Variants in PRCP observed in about 807,000 individuals in gnomAD.
PRCP encodes lysosomal Pro-X carboxypeptidase.
Under a neutral mutation model 54.2 loss-of-function variants are expected in PRCP, and 46 were observed. The ratio of observed to expected loss-of-function variants is 0.85; its 90% CI spans 0.67 to 1.09. PRCP has a LOEUF of 1.09. Ranked by LOEUF, PRCP falls within the 50% of genes least tolerant of loss-of-function variation. PRCP has a pLI of 0.00. For synonymous variants in PRCP, 240 were observed against 212.2 expected (o/e 1.13, Z -1.14); for missense variants, 613 against 596.8 (o/e 1.03, Z -0.28).
chr11:82,825,640 G>GAAAGGGAAGAAAGAAA (rs1858211681), intron 8 of PRCP: 2 of 144,012 alleles, frequency 1.4e-5, no homozygotes, highest in Admixed American at 6.8e-5. Flanking sequence ...GAGGAAAGAA[G>GAAAGGGAAGAAAGAAA]AAAGGGAGGG....
chr11:82,838,674 G>A (rs1858588952), intron 7 of PRCP, 100 bp from the exon 8 acceptor site: 1 of 1,205,978 alleles, frequency 8.3e-7, no homozygotes, highest in Admixed American at 2.5e-5. Context: ...GTGAAGGCAG[G>A]GTTTGAACTC....
intron 6 of PRCP, 93 bp from the exon 7 acceptor site, chr11:82,839,518 G>T (rs985183279): frequency 7.4e-7 from 1 of 1,344,480 alleles, no homozygotes; most frequent in Non-Finnish European, 1.0e-6. Flanking sequence ...ATTTTGATCT[G>T]ATCATAAAAT....
intron 6 of PRCP, among the ~76,000 whole-genome samples, chr11:82,841,726 T>C (rs1393566428): frequency 6.6e-6 from 1 of 152,148 alleles, no homozygotes; most frequent in Non-Finnish European, 1.5e-5. Context: ...AAAGTCAAAA[T>C]AGTGTTTATT....
chr11:82,845,045 A>C (rs988165576), intron 6 of PRCP, among the ~76,000 whole-genome samples: 6 of 130,938 alleles, frequency 4.6e-5, no homozygotes, highest in African/African-American at 2.0e-4. Context: ...AAAAAAAAAA[A>C]AAACAACTGT....
intron 1 of PRCP, among the ~76,000 whole-genome samples, chr11:82,876,434 T>C (rs1217637662): frequency 6.6e-6 from 1 of 152,174 alleles, no homozygotes; most frequent in Non-Finnish European, 1.5e-5. Context: ...TACAACCATA[T>C]GTGTATTTTT....
chr11:82,853,567 T>C (rs1478797149), intron 2 of PRCP, among the ~76,000 whole-genome samples: 1 of 152,146 alleles, frequency 6.6e-6, no homozygotes, highest in Admixed American at 6.5e-5. Flanking sequence ...CAACATTATG[T>C]CTAAAATGGT....
rs761709848 is a variant in PRCP, at chr11:82,850,476, T to C, written c.441A>G (p.Ser147=). ...KDSRHLNFLT[S]EQALADFAEL... ...CTGCAAAATCAGCCAGAGCTTGTTC[T>C]GATGTCAGGAAATTCAAGTGTCTGG... The change falls in exon 4 of 9, where the codon TCA becomes TCG. Residue 147 remains serine (S), a synonymous_variant. Coordinates refer to ENST00000313010, the MANE Select transcript of PRCP (RefSeq NM_005040.4). 6.3e-7 allele frequency: 1 copy of C among 1,580,586 alleles called. No homozygotes were observed. Among genetic ancestry groups the C allele is most frequent in the Non-Finnish European group, 8.6e-7 (1 of 1,161,556 alleles).
At chr11:82,889,551 C>T (rs1289819963) in intron 1 of PRCP, among the ~76,000 whole-genome samples, 6 of 150,360 alleles carry the variant, frequency 4.0e-5, no homozygotes, top group South Asian at 2.1e-4. Flanking sequence ...CAGCAGAAGA[C>T]GCAGCAGCAG....
At chr11:82,850,546 A>G in intron 3 of PRCP, 41 bp from the exon 4 acceptor site, 5 of 1,393,326 alleles carry the variant, frequency 3.6e-6, no homozygotes, top group African/African-American at 1.5e-5. Context: ...AAATGTGCAC[A>G]TAACAGCAGC....
At chr11:82,841,220 A>G (rs548391225) in intron 6 of PRCP, among the ~76,000 whole-genome samples, 5 of 150,994 alleles carry the variant, frequency 3.3e-5, no homozygotes, top group African/African-American at 1.2e-4. Context: ...GATGCAACCA[A>G]ACCCAGCCCC....
intron 1 of PRCP, among the ~76,000 whole-genome samples, chr11:82,867,884 G>T (rs1189851292): frequency 5.9e-5 from 9 of 152,076 alleles, no homozygotes; most frequent in African/African-American, 2.2e-4. Flanking sequence ...ACCACACCCG[G>T]TTTGTTAAGT....
chr11:82,892,936 A>G (rs1377684258), intron 1 of PRCP, among the ~76,000 whole-genome samples: 1 of 152,202 alleles, frequency 6.6e-6, no homozygotes, highest in Non-Finnish European at 1.5e-5. Flanking sequence ...CCAGTGCCTG[A>G]CATACAAAAG....
chr11:82,828,148 A>G (rs1858288588), intron 8 of PRCP: 1 of 152,220 alleles, frequency 6.6e-6, no homozygotes, highest in Non-Finnish European at 1.5e-5. Context: ...GAGAAAACTA[A>G]TGCCCAAAGA....
chr11:82,896,447 G>A (rs1173560957), intron 1 of PRCP, among the ~76,000 whole-genome samples: 3 of 152,034 alleles, frequency 2.0e-5, no homozygotes, highest in African/African-American at 7.3e-5. Flanking sequence ...AGGCCAAGGT[G>A]GGTGGATCAC....
intron 8 of PRCP, among the ~76,000 whole-genome samples, chr11:82,837,733 G>A (rs1229891906): frequency 6.6e-6 from 1 of 152,144 alleles, no homozygotes; most frequent in Non-Finnish European, 1.5e-5. Context: ...TACACATGGA[G>A]TCTGCTCAAT....
At chr11:82,846,501 G>C (rs1388372375) in intron 6 of PRCP, among the ~76,000 whole-genome samples, 8 of 152,146 alleles carry the variant, frequency 5.3e-5, no homozygotes, top group Middle Eastern at 3.4e-3. Context: ...ATAAATACCA[G>C]CAATCAAGAA....
chr11:82,834,480 T>C (rs958987831), intron 8 of PRCP, among the ~76,000 whole-genome samples: 1 of 152,218 alleles, frequency 6.6e-6, no homozygotes, highest in African/African-American at 2.4e-5. Context: ...GTAAGGAAAT[T>C]AAACAAAAAG....
intron 4 of PRCP, 106 bp downstream of exon 4, chr11:82,850,218 A>G: frequency 1.8e-6 from 2 of 1,141,344 alleles, no homozygotes; most frequent in South Asian, 3.7e-5. Flanking sequence ...GACAGAAGCC[A>G]GAAACCTCAG....
rs376236551 is a variant in PRCP, at chr11:82,900,422, A to G, written c.-20T>C. On this transcript the variant is annotated 5_prime_UTR_variant, in exon 1 of 9. Coordinates refer to ENST00000313010, the MANE Select transcript of PRCP (RefSeq NM_005040.4). ...GCCCATGGCTCAGGCTGGAGACTGC[A>G]GTGCGGGTGGGAGGGCGAAAAGGAG... is the stretch of plus-strand genomic sequence containing the variant. 4.5e-5 allele frequency: 72 copies of G among 1,610,828 alleles called. No individual in the cohort carries two copies. The Middle Eastern group carries it at 1.1e-3, about 25-fold the overall frequency.
Sources: allele counts gnomAD v4.1 joint callset (sites outside exome capture counted in the v4.1 genomes callset), GRCh38; gene constraint gnomAD v4.1.1; transcripts MANE v1.5; gene names NCBI Gene and HGNC (gene_info 2026-07-23, HGNC 2026-07-21).